Variants in PIEZO1 observed in about 807,000 individuals in gnomAD.
The protein encoded by PIEZO1 is piezo-type mechanosensitive ion channel component 1.
In PIEZO1, 296 loss-of-function variants were observed where a neutral mutation model predicts 297.2. The ratio of observed to expected loss-of-function variants is 1.00; its 90% CI spans 0.91 to 1.10. The LOEUF is 1.10. Among genes scored for constraint, PIEZO1 ranks in the 50% least tolerant of loss-of-function variants. PIEZO1 has a pLI of 0.00. For synonymous variants in PIEZO1, 2,427 were observed against 1,507.5 expected, an observed-to-expected ratio of 1.61 and a Z score of -14.13; for missense variants, 5,018 against 3,455.5, an observed-to-expected ratio of 1.45 and a Z score of -11.34.
rs778612620 is a variant in PIEZO1, at chr16:88,732,431, G to A, written c.2895C>T (p.Ala965=). 157 of 1,549,606 alleles carry A rather than the reference G, an allele frequency of 1.0e-4. No individual in the cohort carries two copies. Among genetic ancestry groups the A allele is most frequent in the Admixed American group, 3.1e-4 (16 of 50,956 alleles). The change falls in exon 21 of 51, where the codon GCC becomes GCT. Residue 965 remains alanine (A), a synonymous_variant. Coordinates refer to ENST00000301015, the MANE Select transcript of PIEZO1 (RefSeq NM_001142864.4). The part of the protein sequence containing the change: ...QHQLAPLPAQ[A]VFASGTRQQL... ...GCTGGCGGGTGCCGCTGGCAAACAC[G>A]GCCTGGGCAGGCAGCGGGGCCAGCT...
At position 88,716,403 on chromosome 16, in the gene PIEZO1, C is replaced by T. The variant is rs565307908; in HGVS notation, c.7007G>A (p.Arg2336Gln). Reference protein sequence around the residue: ...LALAPNSTARRQLASLLEGTS... With the variant: ...LALAPNSTARQQLASLLEGTS... The stretch of plus-strand genomic sequence containing the variant: ...GCCCTCGAGCAGGCTGGCCAGCTGC[C>T]GCCGTGCAGTGCTGTTGGGGGCCAG... Residue 2336 changes from arginine to glutamine, a missense_variant, in exon 48 of 51, where the codon CGG becomes CAG. Arg to Gln is a conservative substitution (Grantham distance 43). Transcript: ENST00000301015. The T allele has an allele frequency of 2.1e-4, 320 of 1,548,892 alleles. No individual in the cohort carries two copies. Among genetic ancestry groups the T allele is most frequent in the African/African-American group, 5.6e-4 (41 of 73,154 alleles).
rs879628096 is a variant in PIEZO1, at chr16:88,720,725, C to T, written c.5692G>A (p.Glu1898Lys). 9 of 1,524,168 alleles carry T rather than the reference C, an allele frequency of 5.9e-6. No homozygotes were observed. The highest frequency in any genetic ancestry group is 1.3e-5 in the South Asian group (1 of 79,880). 94.4% of individuals were successfully genotyped at this position (1,524,168 alleles called of 1,614,324 possible). ...GGGGCCTCTTTCTCTTCCTCCCCCT[C>T]TTCTTCCTCCCTGTCCTCAGCTTCT... ...AIEAEDREEE[E>K]GEEEKEAPTG... Residue 1898 changes from glutamate to lysine, a missense_variant, in exon 40 of 51, where the codon GAG becomes AAG. Coordinates refer to ENST00000301015, the MANE Select transcript of PIEZO1 (RefSeq NM_001142864.4).
In PIEZO1 at chr16:88,715,543, C is replaced by A. The variant is rs1033364623; in HGVS notation, c.*62G>T. On this transcript the variant is annotated 3_prime_UTR_variant, in exon 51 of 51. Transcript: ENST00000301015. Reference sequence around the variant, plus strand: ...GGCTCCCCCGGCCTGAGGAGTGCCGCCCCTTGTGGCCACGCTGCCCAGCAG... The same window carrying A: ...GGCTCCCCCGGCCTGAGGAGTGCCGACCCTTGTGGCCACGCTGCCCAGCAG... 30 of 1,486,496 alleles carry A rather than the reference C, an allele frequency of 2.0e-5. No homozygotes were observed. Among genetic ancestry groups the A allele is most frequent in the Non-Finnish European group, 2.7e-5 (30 of 1,102,590 alleles). The allele number at this position is 1,486,496 out of a possible 1,614,324, so 92.1% of individuals were successfully genotyped here.
At position 88,737,955 on chromosome 16, in the gene PIEZO1, G is replaced by A. The variant is rs376362724; in HGVS notation, c.999C>T (p.Arg333=). ...TCACCTGGCCGGAGGGGCGGTACGC[G>A]CGGAGCTTGCGCAGAGAGGCCGTGG... ...CYATASLRKL[R]AYRPSGQRKE... Residue 333 remains arginine, a synonymous_variant, in exon 8 of 51, where the codon CGC becomes CGT. Transcript: ENST00000301015. 276 of 1,532,212 alleles carry A rather than the reference G, an allele frequency of 1.8e-4. 1 individual carries two copies. Among genetic ancestry groups the A allele is most frequent in the South Asian group, 1.4e-3 (120 of 83,654 alleles). 94.9% of individuals were successfully genotyped at this position (1,532,212 alleles called of 1,614,324 possible).
chr16:88,720,619 G>C lies in PIEZO1; in HGVS notation c.5798C>G (p.Ser1933Cys). ...AGRRLQGFCL[S>C]LAQGTYRPLR... Reference sequence around the variant, plus strand: ...GCCCCCGGCCGCCATCACTCACAGGGACAGGCAGAAGCCCTGCAGCCGCCG... The same window carrying C: ...GCCCCCGGCCGCCATCACTCACAGGCACAGGCAGAAGCCCTGCAGCCGCCG... The change falls in exon 40 of 51, where the codon TCC (serine) becomes TGC (cysteine). Residue 1933 changes from serine to cysteine, a missense_variant. By Grantham distance (112) the Ser-to-Cys change is moderately radical (BLOSUM62 -1). Transcript: ENST00000301015. 6.5e-7 allele frequency: 1 copy of C among 1,545,392 alleles called. No homozygotes were observed. Among genetic ancestry groups the C allele is most frequent in the Non-Finnish European group, 8.7e-7 (1 of 1,145,848 alleles).
chr16:88,717,437 T>C, intron 44 of PIEZO1: 1 of 637,334 alleles, frequency 1.6e-6, no homozygotes, highest in Admixed American at 2.3e-5. Flanking sequence ...GCTGTGACCG[T>C]TCAGTGGGAA....
Position 88,722,221 on chromosome 16 carries a change from T to C in PIEZO1, c.4952A>G (p.Asp1651Gly). The C allele has an allele frequency of 6.5e-7, 1 of 1,546,280 alleles. No homozygotes were observed. Among genetic ancestry groups the C allele is most frequent in the Non-Finnish European group, 8.7e-7 (1 of 1,146,678 alleles). The part of the protein sequence containing the change: ...LMRTASELLL[D>G]RRLRIPELEE... ...GTTGTGCGCGTCCCGCCCCCACCTG[T>C]CCAGGAGCAGCTCGCTGGCCGTCCG... is the stretch of plus-strand genomic sequence containing the variant. Residue 1651 changes from aspartate to glycine, a missense_variant, in exon 36 of 51, where the codon GAC (aspartate) becomes GGC (glycine). Transcript: ENST00000301015.
At chr16:88,730,220 G>T (rs913198743) in intron 22 of PIEZO1, among the ~76,000 whole-genome samples, 2 of 152,248 alleles carry the variant, frequency 1.3e-5, no homozygotes, top group Non-Finnish European at 2.9e-5. Context: ...GAACTCGATT[G>T]GGCTCCCTGG....
intron 44 of PIEZO1, chr16:88,717,689 G>A (rs1398449135): frequency 2.3e-6 from 1 of 436,122 alleles, no homozygotes. Context: ...AAGACACCAA[G>A]AAAATTTAAG....
intron 10 of PIEZO1, 113 bp downstream of exon 10, chr16:88,737,446 C>G (rs1465564686): frequency 2.9e-6 from 2 of 694,502 alleles, no homozygotes; most frequent in Non-Finnish European, 4.7e-6. Context: ...GAGGGGGCGG[C>G]AGGCAGAGGT....
Position 88,726,381 on chromosome 16 carries a change from A to C in PIEZO1, c.3871T>G (p.Cys1291Gly). ...EEAGIIWDSV[C>G]FFFLLLQRRV... Reference sequence around the variant, plus strand: ...CGCTGCAGCAGCAGGAAGAAGAAGCAGACGCTGTCCCAGATGATGCCAGCC... The same window carrying C: ...CGCTGCAGCAGCAGGAAGAAGAAGCCGACGCTGTCCCAGATGATGCCAGCC... Residue 1291 changes from cysteine (C) to glycine (G), a missense_variant, in exon 27 of 51, where the codon TGC (cysteine) becomes GGC (glycine). Physicochemically the swap from Cys to Gly is radical, Grantham distance 159. Transcript: ENST00000301015. 6.4e-7 allele frequency: 1 copy of C among 1,550,496 alleles called. No individual in the cohort carries two copies. Among genetic ancestry groups the C allele is most frequent in the Non-Finnish European group, 8.7e-7 (1 of 1,146,930 alleles).
At chr16:88,751,793 G>GCCCAAGTCCTGTC (rs1222458420) in intron 1 of PIEZO1, among the ~76,000 whole-genome samples, 2 of 152,228 alleles carry the variant, frequency 1.3e-5, no homozygotes, top group East Asian at 3.9e-4. Flanking sequence ...GGTGAGTTCT[G>GCCCAAGTCCTGTC]CCCCAGTCCT....
intron 1 of PIEZO1, among the ~76,000 whole-genome samples, chr16:88,783,251 C>T (rs1053341923): frequency 2.6e-5 from 4 of 152,202 alleles, no homozygotes; most frequent in African/African-American, 9.7e-5. Context: ...GGGCAGCAAA[C>T]CACATGTGCC....
chr16:88,733,505 T>TGGGGCTGGGCTTGGGGAGGCCAGCTGGGC, intron 18 of PIEZO1, 51 bp from the exon 19 acceptor site: 1 of 1,531,430 alleles, frequency 6.5e-7, no homozygotes. Context: ...AGTGGGCACG[T>TGGGGCTGGGCTTGGGGAGGCCAGCTGGGC]GGGGCTGGGC....
chr16:88,740,543 G>A (rs1396182493), intron 5 of PIEZO1: 1 of 152,390 alleles, frequency 6.6e-6, no homozygotes, highest in African/African-American at 2.4e-5. Context: ...TTGACCTCCA[G>A]GTCCCCGTTC....
chr16:88,746,235 G>T (rs1177740074), intron 2 of PIEZO1, among the ~76,000 whole-genome samples: 1 of 152,178 alleles, frequency 6.6e-6, no homozygotes, highest in African/African-American at 2.4e-5. Context: ...AGAGCCGGGG[G>T]ACCAGTGAAG....
chr16:88,781,143 C>A (rs1160968143), intron 1 of PIEZO1, among the ~76,000 whole-genome samples: 1 of 152,220 alleles, frequency 6.6e-6, no homozygotes, highest in Non-Finnish European at 1.5e-5. Context: ...CTGCAGCGGG[C>A]AGATGAGGCC....
At chr16:88,753,509 C>T (rs1263263068) in intron 1 of PIEZO1, among the ~76,000 whole-genome samples, 4 of 151,984 alleles carry the variant, frequency 2.6e-5, no homozygotes, top group African/African-American at 9.7e-5. Context: ...CTCCCATCAT[C>T]TGGTCTTGGG....
intron 1 of PIEZO1, among the ~76,000 whole-genome samples, chr16:88,758,734 C>T (rs1236910196): frequency 1.3e-5 from 2 of 152,224 alleles, no homozygotes; most frequent in Non-Finnish European, 2.9e-5. Context: ...GCTGAGATGA[C>T]CACAGATGAG....
Sources: gnomAD v4.1 joint callset for allele counts (sites outside exome capture counted in the v4.1 genomes callset) on GRCh38, gnomAD v4.1.1 for gene constraint, MANE v1.5 for transcripts, NCBI Gene and HGNC (gene_info 2026-07-23, HGNC 2026-07-21) for gene names.